HDGFL3: variants seen among roughly 807,000 people sequenced by gnomAD.
HDGFL3 encodes the protein hepatoma-derived growth factor-related protein 3.
Under a neutral mutation model 27.6 loss-of-function variants are expected in HDGFL3, and 6 were observed. That is an observed-to-expected ratio of 0.22 (90% confidence interval 0.12 to 0.43). The LOEUF is 0.43. Ranked by LOEUF, HDGFL3 falls within the 20% of genes least tolerant of loss-of-function variation. The pLI is 1.00. For synonymous variants in HDGFL3, 88 were observed against 88.9 expected (o/e 0.99, Z 0.05); for missense variants, 207 against 250.1 (o/e 0.83, Z 1.16).
chr15:83,169,414 C>CAAAAAAAAAAAAAAAAAAAAAAACA (rs2037216279), intron 1 of HDGFL3, among the ~76,000 whole-genome samples: 1 of 35,570 alleles, frequency 2.8e-5, no homozygotes, highest in Non-Finnish European at 5.4e-5. Flanking sequence ...GACTCCGTCT[C>CAAAAAAAAAAAAAAAAAAAAAAACA]AAAAAAAAAA....
At chr15:83,198,094 T>C (rs992162921) in intron 1 of HDGFL3, among the ~76,000 whole-genome samples, 1 of 139,624 alleles carries the variant, frequency 7.2e-6, no homozygotes, top group African/African-American at 2.9e-5. Context: ...TAATTATATA[T>C]ATAGTTGTTG....
At chr15:83,159,355 G>A (rs894988875) in intron 2 of HDGFL3, among the ~76,000 whole-genome samples, 2 of 152,142 alleles carry the variant, frequency 1.3e-5, no homozygotes, top group African/African-American at 4.8e-5. Context: ...CACCCCTAGA[G>A]CTTACTTCTC....
In HDGFL3 at chr15:83,187,813, G is replaced by C. The variant is rs540283285; in HGVS notation, c.84+19518C>G. Among the ~76,000 whole-genome samples the C allele has an allele frequency of 2.0e-4, 31 of 151,966 alleles. No homozygotes were observed. In the South Asian group the frequency reaches 6.5e-3, roughly 32 times the overall value. On this transcript the variant is annotated intron_variant, in intron 1 of 5. Coordinates refer to ENST00000299633, the MANE Select transcript of HDGFL3 (RefSeq NM_016073.4). ...TGAGGCAGGAGAACTGATTGACCTG[G>C]GAGGCTGAGGTTGCAGTGAGCTGAG...
intron 1 of HDGFL3, among the ~76,000 whole-genome samples, chr15:83,195,796 G>C (rs1219188012): frequency 4.6e-5 from 7 of 151,844 alleles, no homozygotes; most frequent in Non-Finnish European, 1.0e-4. Flanking sequence ...AAATCTCCTA[G>C]GAATGGTTAA....
chr15:83,187,541 A>G (rs1370712709), intron 1 of HDGFL3, among the ~76,000 whole-genome samples: 1 of 152,164 alleles, frequency 6.6e-6, no homozygotes, highest in Non-Finnish European at 1.5e-5. Flanking sequence ...AATTTATTTA[A>G]CCTTTCCCCA....
chr15:83,187,091 T>C (rs952185942), intron 1 of HDGFL3, among the ~76,000 whole-genome samples: 2 of 152,066 alleles, frequency 1.3e-5, no homozygotes, highest in African/African-American at 2.4e-5. Flanking sequence ...TTTCATGTCA[T>C]ATATATACAC....
chr15:83,148,417 C>T (rs562846820), intron 5 of HDGFL3, among the ~76,000 whole-genome samples: 4 of 151,958 alleles, frequency 2.6e-5, no homozygotes, highest in South Asian at 2.1e-4. Context: ...GTCAGGAGAT[C>T]GAGACCACCC....
intron 1 of HDGFL3, among the ~76,000 whole-genome samples, chr15:83,189,138 T>C (rs1247827571): frequency 6.6e-6 from 1 of 152,074 alleles, no homozygotes; most frequent in South Asian, 2.1e-4. Context: ...TCCACTATCA[T>C]CCAAACTTCT....
exon 4 of HDGFL3, chr15:83,114,347 C>T (rs1476815135): frequency 6.6e-6 from 1 of 152,300 alleles, no homozygotes. Flanking sequence ...AGGCAGAGAC[C>T]ATGTCCTTGT....
chr15:83,146,724 C>T (rs2036900940), intron 5 of HDGFL3, among the ~76,000 whole-genome samples: 1 of 152,146 alleles, frequency 6.6e-6, no homozygotes, highest in Admixed American at 6.5e-5. Flanking sequence ...ACCATTGTGA[C>T]CCCTCTCACT....
chr15:83,187,983 T>C (rs1232164318), intron 1 of HDGFL3, among the ~76,000 whole-genome samples: 1 of 152,136 alleles, frequency 6.6e-6, no homozygotes, highest in African/African-American at 2.4e-5. Context: ...GAGGAGATTG[T>C]TGGATCATAG....
intron 1 of HDGFL3, among the ~76,000 whole-genome samples, chr15:83,174,647 GATC>G (rs2037287947): frequency 1.3e-5 from 2 of 152,138 alleles, no homozygotes; most frequent in African/African-American, 4.8e-5. Context: ...TCCAGAAAAT[GATC>G]ATGCTTTAAA....
intron 1 of HDGFL3, among the ~76,000 whole-genome samples, chr15:83,180,099 T>C (rs1461515003): frequency 1.3e-5 from 2 of 151,624 alleles, no homozygotes; most frequent in Non-Finnish European, 2.9e-5. Flanking sequence ...TATTTCAGGA[T>C]TCAATAGTGG....
chr15:83,157,371 G>GATATGC lies in HDGFL3; in HGVS notation c.459+38_459+43dup, dbSNP rs762247811. The GATATGC allele has an allele frequency of 2.0e-6, 3 of 1,518,734 alleles. No individual in the cohort carries two copies. The African/African-American group carries it at 4.1e-5, about 21-fold the overall frequency. The allele number at this position is 1,518,734 out of a possible 1,614,324, so 94.1% of individuals were successfully genotyped here. On this transcript the variant is annotated intron_variant, in intron 4 of 5. Coordinates refer to ENST00000299633, the MANE Select transcript of HDGFL3 (RefSeq NM_016073.4). Reference sequence around the variant, plus strand: ...GAAAATAATCTAAAAATGTTTAATGGATATGCATATAACATTAATAACAAT... The same window carrying GATATGC: ...GAAAATAATCTAAAAATGTTTAATGGATATGCATATGCATATAACATTAATAACAAT...
intron 1 of HDGFL3, among the ~76,000 whole-genome samples, chr15:83,178,489 A>G: frequency 6.6e-6 from 1 of 152,088 alleles, no homozygotes; most frequent in East Asian, 1.9e-4. Context: ...ACACAGGCAG[A>G]CCCCATCTCT....
chr15:83,143,000 A>G (rs1009564988), intron 5 of HDGFL3, among the ~76,000 whole-genome samples: 1 of 152,020 alleles, frequency 6.6e-6, no homozygotes, highest in African/African-American at 2.4e-5. Context: ...TATATAAACA[A>G]AGCTCTTTGG....
At chr15:83,177,397 C>T (rs900396727) in intron 1 of HDGFL3, among the ~76,000 whole-genome samples, 17 of 152,056 alleles carry the variant, frequency 1.1e-4, no homozygotes, top group African/African-American at 3.6e-4. Flanking sequence ...CTCATAAAGA[C>T]GCAAATAACA....
At chr15:83,117,680 C>T (rs1312249065) in intron 3 of HDGFL3, among the ~76,000 whole-genome samples, 3 of 152,006 alleles carry the variant, frequency 2.0e-5, no homozygotes, top group Non-Finnish European at 4.4e-5. Context: ...ACTGTGGTGG[C>T]AAGGTCTGCA....
intron 1 of HDGFL3, among the ~76,000 whole-genome samples, chr15:83,184,428 T>C (rs1596563421): frequency 6.6e-6 from 1 of 152,344 alleles, no homozygotes; most frequent in East Asian, 1.9e-4. Context: ...TTTATCTTTA[T>C]TCTATGAATA....
Sources: allele counts gnomAD v4.1 joint callset (sites outside exome capture counted in the v4.1 genomes callset), GRCh38; gene constraint gnomAD v4.1.1; transcripts MANE v1.5; gene names NCBI Gene and HGNC (gene_info 2026-07-23, HGNC 2026-07-21).